The following MDGA2 variants were observed in gnomAD, a reference collection of about 807,000 sequenced individuals.
The protein encoded by MDGA2 is MAM domain-containing glycosylphosphatidylinositol anchor protein 2.
In MDGA2, 40 loss-of-function variants were observed where a neutral mutation model predicts 117.8. That is an observed-to-expected ratio of 0.34 (90% CI 0.26 to 0.44). The LOEUF is 0.44. Ranked by LOEUF, MDGA2 falls within the 20% of genes least tolerant of loss-of-function variation. The pLI, the probability that MDGA2 is intolerant of heterozygous loss-of-function variation, is 1.00. For synonymous variants in MDGA2, 452 were observed against 439.0 expected, an observed-to-expected ratio of 1.03 and a Z score of -0.37; for missense variants, 1,123 against 1,250.6, an observed-to-expected ratio of 0.90 and a Z score of 1.54.
intron 1 of MDGA2, among the ~76,000 whole-genome samples, chr14:47,495,416 A>T (rs892805039): frequency 2.0e-5 from 3 of 152,268 alleles, no homozygotes; most frequent in African/African-American, 7.2e-5. Flanking sequence ...CCAGAAAAAA[A>T]AAATAAAAGA....
At chr14:47,307,947 C>T (rs35835546) in intron 1 of MDGA2, among the ~76,000 whole-genome samples, 13,551 of 151,866 alleles carry the variant, frequency 0.089, 735 homozygotes, top group Non-Finnish European at 0.11. Flanking sequence ...AGACTTAGTG[C>T]GATTATAAAG....
chr14:47,075,250 A>C (rs1890448728), intron 6 of MDGA2, among the ~76,000 whole-genome samples: 1 of 152,216 alleles, frequency 6.6e-6, no homozygotes, highest in African/African-American at 2.4e-5. Context: ...ACTCTCTTCC[A>C]GATATTTTGT....
chr14:47,404,986 A>G (rs1892231294), intron 1 of MDGA2, among the ~76,000 whole-genome samples: 1 of 152,206 alleles, frequency 6.6e-6, no homozygotes, highest in African/African-American at 2.4e-5. Flanking sequence ...AGTTTCGATA[A>G]ATATTAAAAG....
At chr14:46,958,712 C>T (rs1375863362) in intron 8 of MDGA2, among the ~76,000 whole-genome samples, 1 of 152,230 alleles carries the variant, frequency 6.6e-6, no homozygotes, top group Non-Finnish European at 1.5e-5. Context: ...CTGTCAATTA[C>T]ATCCAGAAGC....
At chr14:47,229,101 A>G (rs1408508934) in intron 2 of MDGA2, among the ~76,000 whole-genome samples, 1 of 152,196 alleles carries the variant, frequency 6.6e-6, no homozygotes, top group African/African-American at 2.4e-5. Context: ...CCAAAGGCTA[A>G]CCTGGCAAAC....
chr14:47,377,291 A>G (rs947386959), intron 1 of MDGA2, among the ~76,000 whole-genome samples: 1 of 152,196 alleles, frequency 6.6e-6, no homozygotes, highest in African/African-American at 2.4e-5. Flanking sequence ...TACAGCTCCC[A>G]GCATGAGTGA....
intron 1 of MDGA2, among the ~76,000 whole-genome samples, chr14:47,616,624 T>A (rs983873611): frequency 6.6e-6 from 1 of 152,200 alleles, no homozygotes; most frequent in African/African-American, 2.4e-5. Flanking sequence ...TAGGCTACTT[T>A]TAGAAGTTGT....
At chr14:47,485,234 G>T (rs1426200279) in intron 1 of MDGA2, among the ~76,000 whole-genome samples, 2 of 152,140 alleles carry the variant, frequency 1.3e-5, no homozygotes, top group African/African-American at 4.8e-5. Flanking sequence ...TGAGAAACTT[G>T]TTGGGAACTA....
chr14:47,642,026 T>A (rs781316526), intron 1 of MDGA2, among the ~76,000 whole-genome samples: 1 of 152,210 alleles, frequency 6.6e-6, no homozygotes, highest in African/African-American at 2.4e-5. Context: ...AATTACCTCA[T>A]TCCAAATGTG....
intron 1 of MDGA2, among the ~76,000 whole-genome samples, chr14:47,547,083 G>A (rs1488123600): frequency 6.6e-5 from 10 of 152,112 alleles, no homozygotes; most frequent in African/African-American, 2.4e-4. Context: ...TTTAATGAGG[G>A]TGTCTCACAT....
intron 3 of MDGA2, among the ~76,000 whole-genome samples, chr14:47,199,801 G>A (rs971212859): frequency 1.3e-5 from 2 of 152,246 alleles, no homozygotes; most frequent in South Asian, 4.1e-4. Context: ...AGAATATAAA[G>A]ATGGATTTGA....
chr14:46,880,778 G>T (rs1474399824), intron 11 of MDGA2, among the ~76,000 whole-genome samples: 1 of 140,926 alleles, frequency 7.1e-6, no homozygotes, highest in Non-Finnish European at 1.5e-5. Context: ...CTCCAGCCTG[G>T]GCAACAAAAG....
intron 10 of MDGA2, among the ~76,000 whole-genome samples, chr14:46,892,543 G>A (rs1566510958): frequency 6.6e-6 from 1 of 151,726 alleles, no homozygotes; most frequent in Non-Finnish European, 1.5e-5. Flanking sequence ...TACAACAAAG[G>A]GAGCAATTAA....
At position 47,194,256 on chromosome 14, in the gene MDGA2, C is replaced by T. The variant is rs187255182; in HGVS notation, c.595+23765G>A. On this transcript the variant is annotated intron_variant, in intron 3 of 16. Transcript: ENST00000399232. ...CAGAAGGTTCAGGCTTAAGTTCATC[C>T]AGAAGAATGTGAGTCATTCATTTCC... is the stretch of plus-strand genomic sequence containing the variant. 1.0e-3 allele frequency among the ~76,000 whole-genome samples: 154 copies of T among 152,178 alleles called. 1 individual carries two copies. The highest frequency in any genetic ancestry group is 1.8e-3 in the Non-Finnish European group (124 of 67,982).
At chr14:47,142,363 A>C (rs1176297029) in intron 4 of MDGA2, among the ~76,000 whole-genome samples, 1 of 152,074 alleles carries the variant, frequency 6.6e-6, no homozygotes, top group Non-Finnish European at 1.5e-5. Context: ...AGAAACGCTT[A>C]AACCCTGAGG....
chr14:47,327,930 A>T (rs1033009817), intron 1 of MDGA2, among the ~76,000 whole-genome samples: 1 of 152,284 alleles, frequency 6.6e-6, no homozygotes, highest in Admixed American at 6.5e-5. Flanking sequence ...CAGGAATCTA[A>T]AAGTGTCTCA....
intron 4 of MDGA2, among the ~76,000 whole-genome samples, chr14:47,134,914 T>C (rs1461877564): frequency 6.6e-6 from 1 of 151,802 alleles, no homozygotes; most frequent in Non-Finnish European, 1.5e-5. Flanking sequence ...TATAAACAAA[T>C]AATGAACATT....
At position 47,292,300 on chromosome 14, in the gene MDGA2, C is replaced by T. The variant is rs561600021; in HGVS notation, c.420+9111G>A. ...TTGGGAAGAACAGTTTTATAGGATTCCACTAGGTCTTTTCTACTAAAATGA... is the reference window on the plus strand; with the variant it reads ...TTGGGAAGAACAGTTTTATAGGATTTCACTAGGTCTTTTCTACTAAAATGA... On this transcript the variant is annotated intron_variant, in intron 2 of 16. Transcript: ENST00000399232. Among the ~76,000 whole-genome samples the T allele has an allele frequency of 2.2e-4, 33 of 152,234 alleles. No homozygotes were observed. The South Asian group carries it at 6.2e-3, about 29-fold the overall frequency.
rs570329862 is a variant in MDGA2 at position 47,242,793 on chromosome 14, G to C, written c.421-24598C>G. 4.8e-4 allele frequency among the ~76,000 whole-genome samples: 73 copies of C among 151,928 alleles called. 1 individual carries two copies. The South Asian group carries it at 0.011, about 23-fold the overall frequency. On this transcript the variant is annotated intron_variant, in intron 2 of 16. Coordinates refer to ENST00000399232, the MANE Select transcript of MDGA2 (RefSeq NM_001113498.3). The stretch of plus-strand genomic sequence containing the variant: ...GCACCACCCCCTGCTCCAGGGCACC[G>C]AGTCCCATCGACCACCCAAGGGCTG...
Sources: allele counts gnomAD v4.1 joint callset (sites outside exome capture counted in the v4.1 genomes callset), GRCh38; gene constraint gnomAD v4.1.1; transcripts MANE v1.5; gene names NCBI Gene and HGNC (gene_info 2026-07-23, HGNC 2026-07-21).